The following CD1B variants were observed in gnomAD, a reference collection of about 807,000 sequenced individuals.
CD1B encodes CD1b molecule, also known as T-cell surface glycoprotein CD1b.
Under a neutral mutation model 39.8 loss-of-function variants are expected in CD1B, and 43 were observed. The ratio of observed to expected loss-of-function variants is 1.08; its 90% CI spans 0.85 to 1.39. The LOEUF is 1.39. CD1B is among the 40% of genes most tolerant of loss of function. The pLI, the probability that CD1B is intolerant of heterozygous loss-of-function variation, is 0.00. For synonymous variants in CD1B, 192 were observed against 152.5 expected (o/e 1.26, Z -1.91); for missense variants, 495 against 403.8 (o/e 1.23, Z -1.94).
At chr1:158,329,106 G>A in intron 4 of CD1B, 92 bp from the exon 5 acceptor site, 1 of 1,118,246 alleles carries the variant, frequency 8.9e-7, no homozygotes, top group South Asian at 1.5e-5. Context: ...CCAATGTATG[G>A]TCATTTCCAA....
chr1:158,312,358 G>A, the CD1B span, among the ~76,000 whole-genome samples: 1 of 152,158 alleles, frequency 6.6e-6, no homozygotes, highest in Admixed American at 6.6e-5. Flanking sequence ...TGTGAAAGAA[G>A]TGCCTTTTAC....
the CD1B span, among the ~76,000 whole-genome samples, chr1:158,305,126 A>G: frequency 3.3e-5 from 5 of 152,184 alleles, no homozygotes; most frequent in Non-Finnish European, 5.9e-5. Context: ...GCATCAGACG[A>G]TCAAACTACT....
At chr1:158,315,082 G>A in the CD1B span, among the ~76,000 whole-genome samples, 9 of 150,934 alleles carry the variant, frequency 6.0e-5, no homozygotes, top group Non-Finnish European at 1.3e-4. Context: ...TTGGTTCCAA[G>A]TCTTTGCTAT....
At chr1:158,326,263 T>G (rs866185997), downstream of CD1B, among the ~76,000 whole-genome samples, 1 of 152,152 alleles carries the variant, frequency 6.6e-6, no homozygotes, top group Non-Finnish European at 1.5e-5. Flanking sequence ...TGAGCCACCA[T>G]GCCCGGCCCA....
At chr1:158,316,018 T>G in the CD1B span, among the ~76,000 whole-genome samples, 1 of 151,998 alleles carries the variant, frequency 6.6e-6, no homozygotes, top group Non-Finnish European at 1.5e-5. Flanking sequence ...TTGATCTATA[T>G]CTCTGTTTTG....
chr1:158,314,383 G>A, the CD1B span, among the ~76,000 whole-genome samples: 1 of 152,060 alleles, frequency 6.6e-6, no homozygotes, highest in Non-Finnish European at 1.5e-5. Context: ...GCCTGGCCAA[G>A]TGTTTTATAT....
At chr1:158,325,245 T>G (rs1472458133), downstream of CD1B, among the ~76,000 whole-genome samples, 2 of 152,178 alleles carry the variant, frequency 1.3e-5, no homozygotes, top group African/African-American at 2.4e-5. Context: ...ACTCCTTTTC[T>G]GAGGGTCCAT....
the CD1B span, chr1:158,291,205 C>T: frequency 3.1e-6 from 5 of 1,613,788 alleles, no homozygotes; most frequent in Non-Finnish European, 3.4e-6. Context: ...GGCACGAGGT[C>T]AGGGCTCAGG....
chr1:158,316,483 C>T, the CD1B span, among the ~76,000 whole-genome samples: 6 of 151,868 alleles, frequency 4.0e-5, no homozygotes, highest in South Asian at 2.1e-4. Flanking sequence ...TATAAGAATG[C>T]TTGTGATTTT....
chr1:158,321,869 G>C, the CD1B span, among the ~76,000 whole-genome samples: 1 of 152,082 alleles, frequency 6.6e-6, no homozygotes, highest in African/African-American at 2.4e-5. Context: ...CATTACCCAG[G>C]TATTAACCCC....
At chr1:158,293,957 T>A in the CD1B span, among the ~76,000 whole-genome samples, 1 of 152,248 alleles carries the variant, frequency 6.6e-6, no homozygotes, top group African/African-American at 2.4e-5. Context: ...CCAATGTTGT[T>A]GTAGCATTGG....
the CD1B span, chr1:158,291,484 C>A: frequency 7.5e-7 from 1 of 1,325,018 alleles, no homozygotes. Context: ...TGGGCCATTT[C>A]CCATTATCCC....
chr1:158,318,532 C>T, the CD1B span, among the ~76,000 whole-genome samples: 2 of 152,128 alleles, frequency 1.3e-5, no homozygotes, highest in Admixed American at 6.6e-5. Context: ...CTTCCTCCAT[C>T]CTTTTATTTT....
chr1:158,309,883 A>G, the CD1B span, among the ~76,000 whole-genome samples: 1 of 152,106 alleles, frequency 6.6e-6, no homozygotes, highest in African/African-American at 2.4e-5. Context: ...CTAATATTAA[A>G]TAACGAGTCA....
chr1:158,314,066 C>T, the CD1B span, among the ~76,000 whole-genome samples: 4 of 151,410 alleles, frequency 2.6e-5, no homozygotes, highest in Non-Finnish European at 5.9e-5. Flanking sequence ...CTTAATTTGT[C>T]TAGTTAAAAG....
At chr1:158,290,195 G>A in the CD1B span, 1 of 1,324,564 alleles carries the variant, frequency 7.5e-7, no homozygotes, top group African/African-American at 1.4e-5. Context: ...TCCCGAGATG[G>A]ATCAATAGAG....
chr1:158,315,295 T>C, the CD1B span, among the ~76,000 whole-genome samples: 13 of 152,070 alleles, frequency 8.5e-5, no homozygotes, highest in Non-Finnish European at 1.5e-5. Flanking sequence ...TGTTCCTATT[T>C]CTCCACATCC....
In CD1B at chr1:158,327,996, C is replaced by T. The variant is rs904200082; in HGVS notation, c.*240G>A. 2.0e-5 allele frequency: 8 copies of T among 401,184 alleles called. No individual in the cohort carries two copies. The highest frequency in any genetic ancestry group is 7.5e-5 in the East Asian group (2 of 26,744). 24.9% of individuals were successfully genotyped at this position (401,184 alleles called of 1,614,324 possible). A position where few individuals can be genotyped will look rare whatever the true frequency, so the allele number is the denominator to read the frequency against. On this transcript the variant is annotated 3_prime_UTR_variant, in exon 6 of 6. Transcript: ENST00000368168. ...TCATTTATTTTGAGACACATTTTTT[C>T]TAACATTTTAATGTGTGTAAAATCA... is the stretch of plus-strand genomic sequence containing the variant.
the CD1B span, chr1:158,291,405 G>A: frequency 1.9e-6 from 3 of 1,612,508 alleles, no homozygotes; most frequent in Admixed American, 5.0e-5. Context: ...CGAAATGTAA[G>A]TTCAATCATC....
Sources: gnomAD v4.1 joint callset for allele counts (sites outside exome capture counted in the v4.1 genomes callset) on GRCh38, gnomAD v4.1.1 for gene constraint, MANE v1.5 for transcripts, NCBI Gene and HGNC (gene_info 2026-07-23, HGNC 2026-07-21) for gene names.